Variants in ROBO1 observed in about 807,000 individuals in gnomAD.
The protein encoded by ROBO1 is roundabout homolog 1.
A neutral mutation model predicts 195.9 loss-of-function variants in ROBO1; 149 were observed. That is an observed-to-expected ratio of 0.76 (90% confidence interval 0.67 to 0.87). The LOEUF (loss-of-function observed/expected upper bound fraction) is 0.87, where lower values mean the gene tolerates loss of function less well. Among genes scored for constraint, ROBO1 ranks in the 40% least tolerant of loss-of-function variants. The pLI, the probability that ROBO1 is intolerant of heterozygous loss-of-function variation, is 0.00. For synonymous variants in ROBO1, 816 were observed against 733.2 expected (o/e 1.11, Z -1.82); for missense variants, 1,933 against 2,068.3 (o/e 0.93, Z 1.27).
At chr3:78,997,397 C>T (rs1054060395) in intron 3 of ROBO1, among the ~76,000 whole-genome samples, 7 of 152,030 alleles carry the variant, frequency 4.6e-5, no homozygotes, top group Non-Finnish European at 8.8e-5. Context: ...TGGTATTCAC[C>T]GAGTAGAGTG....
intron 4 of ROBO1, among the ~76,000 whole-genome samples, chr3:78,817,530 A>T (rs1187916411): frequency 6.6e-6 from 1 of 152,166 alleles, no homozygotes; most frequent in African/African-American, 2.4e-5. Flanking sequence ...AATTCACTAC[A>T]TCAAAAGATG....
chr3:78,771,907 A>C (rs893717626), intron 4 of ROBO1, among the ~76,000 whole-genome samples: 1 of 152,062 alleles, frequency 6.6e-6, no homozygotes, highest in Non-Finnish European at 1.5e-5. Context: ...AATCCTTTTA[A>C]ATTTCAATAG....
chr3:78,607,563 T>A (rs1211200783), intron 28 of ROBO1, among the ~76,000 whole-genome samples: 1 of 152,198 alleles, frequency 6.6e-6, no homozygotes, highest in Admixed American at 6.5e-5. Context: ...AACCATTGAA[T>A]GACAAAGTTG....
chr3:79,625,423 G>GAAAAAAAAAAAAAAAAAAAAAGAAA (rs1945141371), intron 1 of ROBO1, among the ~76,000 whole-genome samples: 1 of 13,876 alleles, frequency 7.2e-5, no homozygotes. Flanking sequence ...TGTTTTTTTT[G>GAAAAAAAAAAAAAAAAAAAAAGAAA]AAAAAAAAAA....
At chr3:79,202,250 A>G (rs1369310109) in intron 2 of ROBO1, among the ~76,000 whole-genome samples, 1 of 152,084 alleles carries the variant, frequency 6.6e-6, no homozygotes, top group Non-Finnish European at 1.5e-5. Flanking sequence ...ACTGGTTAAA[A>G]TACAGTAAGT....
chr3:79,105,248 T>C (rs1038326936), intron 3 of ROBO1, among the ~76,000 whole-genome samples: 1 of 151,680 alleles, frequency 6.6e-6, no homozygotes, highest in Non-Finnish European at 1.5e-5. Context: ...TGACAAAGAA[T>C]TCCTGAGAAT....
At chr3:79,750,967 G>A (rs571935254) in intron 1 of ROBO1, among the ~76,000 whole-genome samples, 2 of 152,036 alleles carry the variant, frequency 1.3e-5, no homozygotes, top group Non-Finnish European at 2.9e-5. Flanking sequence ...AATATACTTG[G>A]TTGTTCTAAA....
intron 1 of ROBO1, among the ~76,000 whole-genome samples, chr3:79,604,426 A>T (rs1486970413): frequency 6.6e-6 from 1 of 152,082 alleles, no homozygotes. Context: ...CAAACATAAA[A>T]TGGTGAATTT....
chr3:79,629,785 G>T (rs557918857), intron 1 of ROBO1, among the ~76,000 whole-genome samples: 9 of 151,932 alleles, frequency 5.9e-5, no homozygotes, highest in Admixed American at 5.9e-4. Flanking sequence ...TTCAAATAAG[G>T]ACAATTAGAA....
chr3:78,890,869 C>T (rs548116184), intron 4 of ROBO1, among the ~76,000 whole-genome samples: 1 of 152,152 alleles, frequency 6.6e-6, no homozygotes, highest in Non-Finnish European at 1.5e-5. Context: ...TCAAGTGATC[C>T]CCGTGCCTCA....
intron 2 of ROBO1, among the ~76,000 whole-genome samples, chr3:79,508,459 G>T (rs1940529098): frequency 2.0e-5 from 3 of 152,082 alleles, no homozygotes. Flanking sequence ...CTCAATCTGT[G>T]GTGCTTTGTT....
At position 78,907,150 on chromosome 3, in the gene ROBO1, A is replaced by G. The variant is rs190927925; in HGVS notation, c.499+31451T>C. Among the ~76,000 whole-genome samples, 7 of 152,226 alleles carry G rather than the reference A, an allele frequency of 4.6e-5. No individual in the cohort carries two copies. The East Asian group carries it at 1.4e-3, about 29-fold the overall frequency. Reference sequence around the variant, plus strand: ...GTGTCAAAATGAAATCTAAAACCACATCACTCAACATTTTGCAATGTTATG... The same window carrying G: ...GTGTCAAAATGAAATCTAAAACCACGTCACTCAACATTTTGCAATGTTATG... On this transcript the variant is annotated intron_variant, in intron 4 of 30. Transcript: ENST00000464233.
intron 2 of ROBO1, among the ~76,000 whole-genome samples, chr3:79,142,354 G>A (rs865901047): frequency 6.6e-6 from 1 of 152,206 alleles, no homozygotes; most frequent in East Asian, 1.9e-4. Flanking sequence ...CACAGTAGGA[G>A]GCAGTCCTCT....
At chr3:79,382,999 G>T (rs1575753477) in intron 2 of ROBO1, among the ~76,000 whole-genome samples, 2 of 152,104 alleles carry the variant, frequency 1.3e-5, no homozygotes. Context: ...ACAGTTGAAA[G>T]AGTTGATGCT....
chr3:79,528,298 T>G (rs1042456757), intron 2 of ROBO1, among the ~76,000 whole-genome samples: 17 of 152,198 alleles, frequency 1.1e-4, no homozygotes, highest in African/African-American at 4.1e-4. Context: ...CTTTTCTCCC[T>G]TGATTTACTT....
chr3:79,220,187 G>T (rs528336278), intron 2 of ROBO1, among the ~76,000 whole-genome samples: 4 of 151,920 alleles, frequency 2.6e-5, no homozygotes, highest in Non-Finnish European at 5.9e-5. Context: ...ATTATTGTAG[G>T]TATTTATTCT....
chr3:78,624,976 T>C (rs1008992955), intron 26 of ROBO1, among the ~76,000 whole-genome samples: 1 of 152,090 alleles, frequency 6.6e-6, no homozygotes, highest in Admixed American at 6.5e-5. Flanking sequence ...GTGTATGTGA[T>C]GAAATTGGGG....
chr3:78,710,626 G>A (rs1187866502), intron 8 of ROBO1, among the ~76,000 whole-genome samples: 1 of 151,990 alleles, frequency 6.6e-6, no homozygotes, highest in Non-Finnish European at 1.5e-5. Context: ...TTTTACATAT[G>A]GGTCAACTGA....
At chr3:79,231,552 C>CA (rs1281004530) in intron 2 of ROBO1, among the ~76,000 whole-genome samples, 1 of 151,460 alleles carries the variant, frequency 6.6e-6, no homozygotes, top group Non-Finnish European at 1.5e-5. Flanking sequence ...ATTAAAAAGT[C>CA]AAAAAAATAA....
Sources: allele counts gnomAD v4.1 joint callset (sites outside exome capture counted in the v4.1 genomes callset), GRCh38; gene constraint gnomAD v4.1.1; transcripts MANE v1.5; gene names NCBI Gene and HGNC (gene_info 2026-07-23, HGNC 2026-07-21).